Variants in METTL9 observed in about 807,000 individuals in gnomAD.
METTL9 encodes methyltransferase 9, His-X-His N1(pi)-histidine.
METTL9 carries 10 observed loss-of-function variants against 36.0 expected under a neutral mutation model. That is an observed-to-expected ratio of 0.28 (90% CI 0.17 to 0.47). METTL9 has a LOEUF of 0.47. Among genes scored for constraint, METTL9 ranks in the 20% least tolerant of loss-of-function variants. METTL9 has a pLI of 0.99. For synonymous variants in METTL9, 175 were observed against 149.7 expected (o/e 1.17, Z -1.23); for missense variants, 246 against 383.5 (o/e 0.64, Z 3.00).
Position 21,644,480 on chromosome 16 carries a change from G to T in METTL9, c.752-10747G>T. 3 of 930,488 alleles carry T rather than the reference G, an allele frequency of 3.2e-6. 1 individual carries two copies. Among genetic ancestry groups the T allele is most frequent in the South Asian group, 2.9e-5 (2 of 69,866 alleles). 57.6% of individuals were successfully genotyped at this position (930,488 alleles called of 1,614,324 possible). A position where few individuals can be genotyped will look rare whatever the true frequency, so the allele number is the denominator to read the frequency against. On this transcript the variant is annotated intron_variant, in intron 4 of 4. Transcript: ENST00000358154. ...ATGTGTAAAGTATCCTTCACACTGC[G>T]TTTTAGAGGTGAAACGTGAACTTAC...
intron 4 of METTL9, among the ~76,000 whole-genome samples, chr16:21,628,869 CTGT>C (rs1018488767): frequency 3.4e-5 from 5 of 147,258 alleles, no homozygotes; most frequent in African/African-American, 7.5e-5. Context: ...CTTGAAGTTG[CTGT>C]TGTTTGGCTT....
At chr16:21,623,309 G>C (rs1255782936) in intron 3 of METTL9, among the ~76,000 whole-genome samples, 3 of 152,114 alleles carry the variant, frequency 2.0e-5, no homozygotes, top group Non-Finnish European at 4.4e-5. Flanking sequence ...GCAGCTAAGT[G>C]CTTTGTGTTT....
At position 21,655,850 on chromosome 16, in the gene METTL9, A is replaced by G. The variant is rs1052286; in HGVS notation, c.*418A>G. On this transcript the variant is annotated 3_prime_UTR_variant, in exon 5 of 5. Coordinates refer to ENST00000358154, the MANE Select transcript of METTL9 (RefSeq NM_016025.5). ...CAAATACTGGTTTTAAGGTATAGCC[A>G]CTGATATTCTTTCATGTTTAGAAAT... 1 of 158,394 alleles carries G rather than the reference A, an allele frequency of 6.3e-6. No homozygotes were observed. The highest frequency in any genetic ancestry group is 1.9e-4 in the East Asian group (1 of 5,314). The allele number at this position is 158,394 out of a possible 1,614,324, so 9.8% of individuals were successfully genotyped here.
rs1966696867 is a variant in METTL9, at chr16:21,655,885, TATTATTC to T, written c.*455_*461del. The stretch of plus-strand genomic sequence containing the variant: ...TTTCATGTTTAGAAATTCTTTCTGT[TATTATTC>T]AAGAAAATGTTTTTAATCATGCTAA... On this transcript the variant is annotated 3_prime_UTR_variant, in exon 5 of 5. Transcript: ENST00000358154. 1 of 154,832 alleles carries T rather than the reference TATTATTC, an allele frequency of 6.5e-6. No homozygotes were observed. Among genetic ancestry groups the T allele is most frequent in the African/African-American group, 2.4e-5 (1 of 41,490 alleles). 9.6% of individuals were successfully genotyped at this position (154,832 alleles called of 1,614,324 possible). A position where few individuals can be genotyped will look rare whatever the true frequency, so the allele number is the denominator to read the frequency against.
chr16:21,599,550 G>A (rs1022031120), upstream of METTL9: 19 of 1,281,154 alleles, frequency 1.5e-5, no homozygotes, highest in Non-Finnish European at 1.7e-5. This position sits in a 1 kb window ranked among gnomAD's most constrained non-coding sequence, Gnocchi z 4.4. Flanking sequence ...GGAAGGGGGA[G>A]GTGCCGAGGC....
rs112846012 is a variant in METTL9 at position 21,621,149 on chromosome 16, AGT to A, written c.566+3100_566+3101del. Among the ~76,000 whole-genome samples, 345 of 144,236 alleles carry A rather than the reference AGT, an allele frequency of 2.4e-3. 2 individuals carry two copies. The highest frequency in any genetic ancestry group is 3.6e-3 in the African/African-American group (143 of 39,326). The allele number at this position is 144,236 out of a possible 152,430, so 94.6% of individuals were successfully genotyped here. A position where few individuals can be genotyped will look rare whatever the true frequency, so the allele number is the denominator to read the frequency against. Reference sequence around the variant, plus strand: ...CATATCTGGCTAATTTGAGAGAGAGAGTGTGTGTGTGTGTGTGTGTGTGTGTT... The same window carrying A: ...CATATCTGGCTAATTTGAGAGAGAGAGTGTGTGTGTGTGTGTGTGTGTGTT... On this transcript the variant is annotated intron_variant, in intron 3 of 4. Coordinates refer to ENST00000358154, the MANE Select transcript of METTL9 (RefSeq NM_016025.5).
chr16:21,622,947 G>A (rs2152895616), intron 3 of METTL9, among the ~76,000 whole-genome samples: 1 of 152,246 alleles, frequency 6.6e-6, no homozygotes, highest in South Asian at 2.1e-4. Context: ...TTTACAATTT[G>A]TGTCTTTAAA....
chr16:21,636,817 T>C (rs1966107506), intron 4 of METTL9, among the ~76,000 whole-genome samples: 1 of 152,132 alleles, frequency 6.6e-6, no homozygotes, highest in Non-Finnish European at 1.5e-5. Flanking sequence ...GTGCCCAGTA[T>C]TTAGCCCCCG....
chr16:21,601,766 C>T (rs1440962327), intron 1 of METTL9, among the ~76,000 whole-genome samples: 2 of 89,300 alleles, frequency 2.2e-5, no homozygotes, highest in Admixed American at 1.1e-4. Flanking sequence ...TGTGTGTACC[C>T]CTTCACTAAC....
At chr16:21,649,142 A>C (rs1966504166) in intron 4 of METTL9, among the ~76,000 whole-genome samples, 1 of 152,100 alleles carries the variant, frequency 6.6e-6, no homozygotes. Flanking sequence ...GTAGGCCTGC[A>C]GCACTGTGCC....
At chr16:21,611,786 T>G (rs1003402387) in intron 1 of METTL9, among the ~76,000 whole-genome samples, 3 of 152,196 alleles carry the variant, frequency 2.0e-5, no homozygotes, top group African/African-American at 7.2e-5. Context: ...ATTGTGGGGC[T>G]GACGCTAAAG....
At chr16:21,607,638 A>T (rs997225697) in intron 1 of METTL9, among the ~76,000 whole-genome samples, 1 of 152,214 alleles carries the variant, frequency 6.6e-6, no homozygotes, top group Non-Finnish European at 1.5e-5. Context: ...CATTTAAAAG[A>T]TTCCCTTGTT....
upstream of METTL9, chr16:21,599,513 G>C (rs1306986849): frequency 6.4e-6 from 8 of 1,243,868 alleles, no homozygotes; most frequent in East Asian, 3.6e-5. The surrounding 1 kb of genome is among the most constrained non-coding windows in gnomAD (Gnocchi z 4.4). Context: ...ACTGGTGCAG[G>C]GGGCAGCGGC....
At chr16:21,623,443 G>T (rs550250535) in intron 3 of METTL9, among the ~76,000 whole-genome samples, 17 of 152,222 alleles carry the variant, frequency 1.1e-4, no homozygotes, top group African/African-American at 4.1e-4. Flanking sequence ...CATTACTAAA[G>T]ACTTGTTTAC....
At chr16:21,616,555 C>T (rs1422153291) in intron 2 of METTL9, among the ~76,000 whole-genome samples, 2 of 152,144 alleles carry the variant, frequency 1.3e-5, no homozygotes, top group Non-Finnish European at 2.9e-5. Flanking sequence ...TCTGAGGGTT[C>T]TCTTCAATCT....
chr16:21,618,042 T>G lies in METTL9; in HGVS notation c.534T>G (p.Thr178=). ...EEIYATELSE[T]MIWQLQKKKY... ...TCTATGCCACTGAGCTTTCTGAAACTATGATATGGCAGCTTCAGAAAAAGA... is the reference window on the plus strand; with the variant it reads ...TCTATGCCACTGAGCTTTCTGAAACGATGATATGGCAGCTTCAGAAAAAGA... The change falls in exon 3 of 5, where the codon ACT becomes ACG. Residue 178 remains threonine (T), a synonymous_variant. Transcript: ENST00000358154. The G allele has an allele frequency of 6.3e-7, 1 of 1,589,842 alleles. No homozygotes were observed. Among genetic ancestry groups the G allele is most frequent in the Non-Finnish European group, 8.5e-7 (1 of 1,172,578 alleles).
At chr16:21,603,767 G>A (rs919574132) in intron 1 of METTL9, among the ~76,000 whole-genome samples, 1 of 152,064 alleles carries the variant, frequency 6.6e-6, no homozygotes, top group African/African-American at 2.4e-5. Flanking sequence ...AAACCACAAC[G>A]ATTTCTCCGG....
intron 4 of METTL9, among the ~76,000 whole-genome samples, chr16:21,626,559 G>C (rs1965819048): frequency 6.6e-6 from 1 of 152,164 alleles, no homozygotes; most frequent in African/African-American, 2.4e-5. Context: ...AGAGCAGAGA[G>C]AACAGATCTC....
rs200851415 is a variant in METTL9 at position 21,613,834 on chromosome 16, T to G, written c.356+999T>G. Among the ~76,000 whole-genome samples the G allele has an allele frequency of 1.6e-3, 22 of 13,638 alleles. No individual in the cohort carries two copies. In the African/African-American group the frequency reaches 0.068, roughly 42 times the overall value. The allele number at this position is 13,638 out of a possible 152,430, so 8.9% of individuals were successfully genotyped here. A position where few individuals can be genotyped will look rare whatever the true frequency, so the allele number is the denominator to read the frequency against. The stretch of plus-strand genomic sequence containing the variant: ...GAAAAAGCTTTAGGAGTTTTTTTTG[T>G]TTTTTTTTTTTTTCAATCCTTTCTT... On this transcript the variant is annotated intron_variant, in intron 2 of 4. Transcript: ENST00000358154.
Sources: gnomAD v4.1 joint callset for allele counts (sites outside exome capture counted in the v4.1 genomes callset) on GRCh38, gnomAD v4.1.1 for gene constraint, Gnocchi (gnomAD v3.1) non-coding constraint, MANE v1.5 for transcripts, NCBI Gene and HGNC (gene_info 2026-07-23, HGNC 2026-07-21) for gene names.